Variants in CEP250 observed in about 807,000 individuals in gnomAD.
The protein encoded by CEP250 is centrosomal protein 250, also known as centrosome-associated protein CEP250.
Under a neutral mutation model 315.7 loss-of-function variants are expected in CEP250, and 242 were observed. That is an observed-to-expected ratio of 0.77 (90% CI 0.69 to 0.85). CEP250 has a LOEUF of 0.85. Ranked by LOEUF, CEP250 falls within the 40% of genes least tolerant of loss-of-function variation. The pLI, the probability that CEP250 is intolerant of heterozygous loss-of-function variation, is 0.00. For synonymous variants in CEP250, 1,088 were observed against 1,175.0 expected, an observed-to-expected ratio of 0.93 and a Z score of 1.51; for missense variants, 2,515 against 2,886.4, an observed-to-expected ratio of 0.87 and a Z score of 2.95.
rs762565763 is a variant in CEP250 at position 35,498,654 on chromosome 20, G to A, written c.3715G>A (p.Glu1239Lys). 15 of 1,608,136 alleles carry A rather than the reference G, an allele frequency of 9.3e-6. No individual in the cohort carries two copies. The African/African-American group carries it at 1.7e-4, about 19-fold the overall frequency. Residue 1239 changes from glutamate to lysine, a missense_variant, in exon 27 of 35, where the codon GAG becomes AAG. Glu to Lys is a moderately conservative substitution (Grantham distance 56). Transcript: ENST00000397527. ...GCCCCTGCTGACTGCTCTCTCCGCTGAGGCAGTAGCATCTGCCCTCCACAA... is the reference window on the plus strand; with the variant it reads ...GCCCCTGCTGACTGCTCTCTCCGCTAAGGCAGTAGCATCTGCCCTCCACAA... ...RGPLLTALSA[E>K]AVASALHKLH...
At chr20:35,464,737 A>G (rs2062832877) in intron 5 of CEP250, among the ~76,000 whole-genome samples, 1 of 149,868 alleles carries the variant, frequency 6.7e-6, no homozygotes. Context: ...CCTGGCCAGC[A>G]TGGTGAAACC....
At chr20:35,494,942 G>A (rs1299371007) in intron 24 of CEP250, among the ~76,000 whole-genome samples, 1 of 151,198 alleles carries the variant, frequency 6.6e-6, no homozygotes, top group African/African-American at 2.4e-5. Context: ...GTTTTGTGGG[G>A]AAGACATTAA....
chr20:35,468,259 C>A (rs938102648), intron 9 of CEP250, among the ~76,000 whole-genome samples: 1 of 152,110 alleles, frequency 6.6e-6, no homozygotes, highest in African/African-American at 2.4e-5. Context: ...GAAATGTCAC[C>A]TCTTCTATGA....
intron 24 of CEP250, 100 bp from the exon 25 acceptor site, chr20:35,496,477 C>A (rs2063836527): frequency 1.0e-6 from 1 of 1,004,248 alleles, no homozygotes; most frequent in African/African-American, 1.6e-5. Context: ...ATTACTATTT[C>A]TATTTTGATT....
At chr20:35,501,355 A>T (rs945118452) in intron 28 of CEP250, among the ~76,000 whole-genome samples, 3 of 152,048 alleles carry the variant, frequency 2.0e-5, no homozygotes, top group African/African-American at 4.8e-5. Flanking sequence ...AAAAAAAGAG[A>T]AGAGGACACC....
intron 33 of CEP250, 26 bp downstream of exon 33, chr20:35,509,070 C>G (rs2064280465): frequency 6.5e-7 from 1 of 1,533,668 alleles, no homozygotes; most frequent in Non-Finnish European, 8.8e-7. Context: ...TCAGCTGCAG[C>G]CTTAGAGAGC....
chr20:35,498,430 C>T (rs1393795848), intron 26 of CEP250, among the ~76,000 whole-genome samples, 165 bp from the exon 27 acceptor site: 1 of 152,220 alleles, frequency 6.6e-6, no homozygotes, highest in African/African-American at 2.4e-5. Flanking sequence ...CACCATAGTG[C>T]CTGGCCCATA....
chr20:35,501,563 G>A lies in CEP250; in HGVS notation c.3899-282G>A, dbSNP rs146379435. On this transcript the variant is annotated intron_variant, in intron 28 of 34. Coordinates refer to ENST00000397527, the MANE Select transcript of CEP250 (RefSeq NM_007186.6). ...GGCTCAACCCTGTCTGGAATTGAGGGCCAAGGCTCTCTGTGATGAGGATGA... is the reference window on the plus strand; with the variant it reads ...GGCTCAACCCTGTCTGGAATTGAGGACCAAGGCTCTCTGTGATGAGGATGA... 8.5e-4 allele frequency among the ~76,000 whole-genome samples: 129 copies of A among 152,234 alleles called. 1 individual carries two copies. Among genetic ancestry groups the A allele is most frequent in the African/African-American group, 3.0e-3 (125 of 41,526 alleles).
chr20:35,504,010 C>T lies in CEP250; in HGVS notation c.5641C>T (p.Arg1881Trp), dbSNP rs1340843387. 3.7e-6 allele frequency: 6 copies of T among 1,608,180 alleles called. No homozygotes were observed. Among genetic ancestry groups the T allele is most frequent in the Non-Finnish European group, 5.1e-6 (6 of 1,176,662 alleles). The change falls in exon 30 of 35, where the codon CGG becomes TGG. Residue 1881 changes from arginine to tryptophan, a missense_variant. Coordinates refer to ENST00000397527, the MANE Select transcript of CEP250 (RefSeq NM_007186.6). ...LEEELAVEGR[R>W]VQALEEVLGD... ...GGAAGAGCTGGCAGTGGAGGGACGG[C>T]GGGTCCAGGCCCTGGAGGAGGTGCT...
intron 16 of CEP250, chr20:35,476,825 T>A (rs1568780145): frequency 7.0e-6 from 3 of 430,830 alleles, no homozygotes; most frequent in Non-Finnish European, 1.3e-5. Context: ...AAGGGGCCCA[T>A]GTCCTCTGGA....
chr20:35,473,681 T>A (rs1601160129), intron 13 of CEP250, 129 bp downstream of exon 13: 2 of 1,107,890 alleles, frequency 1.8e-6, no homozygotes, highest in East Asian at 5.3e-5. Context: ...CAGGGCTGTT[T>A]TGCCCAGTGT....
chr20:35,464,851 G>C (rs224353), intron 5 of CEP250, among the ~76,000 whole-genome samples: 95,184 of 151,828 alleles, frequency 0.63, 32,259 homozygotes, highest in Non-Finnish European at 0.76. Flanking sequence ...GAACCCAGGA[G>C]GCAGAGGTTG....
At chr20:35,463,726 T>C in intron 5 of CEP250, 95 bp downstream of exon 5, 1 of 970,028 alleles carries the variant, frequency 1.0e-6, no homozygotes, top group Non-Finnish European at 1.4e-6. Flanking sequence ...AGTGTACAAG[T>C]GAGGTGTTTG....
At position 35,517,020 on chromosome 20, in the gene CEP250, C is replaced by G. The variant is rs1014738717; in HGVS notation, c.*5394C>G. The stretch of plus-strand genomic sequence containing the variant: ...GCAAGTGGCATGCTGACTCAGACAC[C>G]GGGCACTGAGAAAAGTGGGAAGCCA... On this transcript the variant is annotated 3_prime_UTR_variant, in exon 35 of 35. Coordinates refer to ENST00000397527, the MANE Select transcript of CEP250 (RefSeq NM_007186.6). 1 of 985,414 alleles carries G rather than the reference C, an allele frequency of 1.0e-6. No individual in the cohort carries two copies. The highest frequency in any genetic ancestry group is 1.7e-5 in the African/African-American group (1 of 57,228). The allele number at this position is 985,414 out of a possible 1,614,324, so 61.0% of individuals were successfully genotyped here.
chr20:35,507,733 C>G lies in CEP250; in HGVS notation c.6637-5C>G. The G allele has an allele frequency of 6.4e-7, 1 of 1,552,230 alleles. No individual in the cohort carries two copies. Among genetic ancestry groups the G allele is most frequent in the Non-Finnish European group, 8.7e-7 (1 of 1,147,202 alleles). ...GTGATTTTGCTCCATACCTCCGTAC[C>G]CTAGGATGAACTGGAGCTCACCAGA... On this transcript the variant is annotated splice_polypyrimidine_tract_variant and splice_region_variant and intron_variant, in intron 30 of 34. Transcript: ENST00000397527.
In CEP250 at chr20:35,466,984, A is replaced by T; in HGVS notation, c.511A>T (p.Lys171Ter). The T allele has an allele frequency of 1.2e-6, 2 of 1,613,100 alleles. No homozygotes were observed. Among genetic ancestry groups the T allele is most frequent in the Non-Finnish European group, 1.7e-6 (2 of 1,179,090 alleles). ...CACACAGTTCTTCAAGGGCTACCTG[A>T]AAGGGGAGCACGGTCGCCTTCTCAG... ...MEQEFFKGYL[K>*]GEHGRLLSLW... Residue 171 changes from lysine (K) to a stop codon, truncating the protein, a stop_gained, in exon 8 of 35, where the codon AAA (lysine) becomes TAA (stop). Coordinates refer to ENST00000397527, the MANE Select transcript of CEP250 (RefSeq NM_007186.6). LOFTEE classifies it high-confidence loss of function.
At chr20:35,496,532 A>T in intron 24 of CEP250, 45 bp from the exon 25 acceptor site, 7 of 1,556,664 alleles carry the variant, frequency 4.5e-6, no homozygotes, top group Non-Finnish European at 6.1e-6. Context: ...GTAATTTTTC[A>T]TTCCCTAAGA....
Position 35,475,545 on chromosome 20 carries a change from C to T in CEP250, c.1615C>T (p.Leu539Phe). Residue 539 changes from leucine to phenylalanine, a missense_variant, in exon 15 of 35, where the codon CTC becomes TTC. Coordinates refer to ENST00000397527, the MANE Select transcript of CEP250 (RefSeq NM_007186.6). ...CCTGGAAGCCAAACAGTCAGAATCA[C>T]TCAGTGAACTGATCACTCTTCGGGA... ...MGLEAKQSES[L>F]SELITLREAL... The T allele has an allele frequency of 6.2e-7, 1 of 1,614,192 alleles. No homozygotes were observed. Among genetic ancestry groups the T allele is most frequent in the Non-Finnish European group, 8.5e-7 (1 of 1,180,026 alleles).
chr20:35,486,558 G>C (rs2063520274), intron 20 of CEP250, among the ~76,000 whole-genome samples: 1 of 151,978 alleles, frequency 6.6e-6, no homozygotes, highest in Non-Finnish European at 1.5e-5. Context: ...CACAAGTCTT[G>C]CTTTGCTTTT....
Sources: allele counts gnomAD v4.1 joint callset (sites outside exome capture counted in the v4.1 genomes callset), GRCh38; gene constraint gnomAD v4.1.1; transcripts MANE v1.5; gene names NCBI Gene and HGNC (gene_info 2026-07-23, HGNC 2026-07-21).